The following CDH13 variants were observed in gnomAD, a reference collection of about 807,000 sequenced individuals.
CDH13 encodes cadherin-13.
CDH13 carries 24 observed loss-of-function variants against 63.8 expected under a neutral mutation model. The observed-to-expected ratio is 0.38, with a 90% confidence interval of 0.27 to 0.53. The LOEUF is 0.53. Among genes scored for constraint, CDH13 ranks in the 20% least tolerant of loss-of-function variants. CDH13 has a pLI of 0.85. For synonymous variants in CDH13, 503 were observed against 355.3 expected, an observed-to-expected ratio of 1.42 and a Z score of -4.67; for missense variants, 1,049 against 903.1, an observed-to-expected ratio of 1.16 and a Z score of -2.07.
At chr16:83,355,078 G>A (rs1160462375) in intron 6 of CDH13, among the ~76,000 whole-genome samples, 1 of 152,162 alleles carries the variant, frequency 6.6e-6, no homozygotes, top group African/African-American at 2.4e-5. Context: ...CCCTTGGGTG[G>A]TTTTAAGCGA....
intron 1 of CDH13, among the ~76,000 whole-genome samples, chr16:82,794,890 A>T (rs2036507413): frequency 6.6e-6 from 1 of 152,202 alleles, no homozygotes. Context: ...TCACTGGCAC[A>T]AAAGCAACTT....
At chr16:82,843,268 T>G (rs2151136675) in intron 1 of CDH13, among the ~76,000 whole-genome samples, 1 of 152,312 alleles carries the variant, frequency 6.6e-6, no homozygotes, top group African/African-American at 2.4e-5. Flanking sequence ...CAGTAGGCAG[T>G]CAGTAGATGT....
At chr16:83,794,750 A>G (rs764979757) in intron 13 of CDH13, among the ~76,000 whole-genome samples, 3 of 152,134 alleles carry the variant, frequency 2.0e-5, no homozygotes, top group Non-Finnish European at 4.4e-5. Context: ...CATAAGGCTC[A>G]TTGGTAACGG....
At chr16:83,533,461 G>T (rs1349090755) in intron 7 of CDH13, among the ~76,000 whole-genome samples, 1 of 152,122 alleles carries the variant, frequency 6.6e-6, no homozygotes, top group African/African-American at 2.4e-5. Flanking sequence ...CAGACAGGAA[G>T]TCGGATCTGT....
chr16:83,713,598 C>T (rs574442247), intron 10 of CDH13, among the ~76,000 whole-genome samples: 126 of 152,050 alleles, frequency 8.3e-4, no homozygotes, highest in African/African-American at 3.0e-3. Context: ...GTTCATCTAT[C>T]GGCTGGGACT....
At chr16:82,667,945 A>G (rs4783255) in intron 1 of CDH13, among the ~76,000 whole-genome samples, 151,602 of 152,256 alleles carry the variant, frequency 1, 75,475 homozygotes, top group Middle Eastern at 1. Flanking sequence ...TGTATTTGTC[A>G]CGCTGACCTA....
intron 1 of CDH13, among the ~76,000 whole-genome samples, chr16:82,801,724 A>G (rs2036863530): frequency 6.6e-6 from 1 of 152,314 alleles, no homozygotes. Context: ...AAATTATTCC[A>G]TGTTACTTCA....
chr16:82,932,854 T>C (rs555548328), intron 2 of CDH13, among the ~76,000 whole-genome samples: 2 of 152,320 alleles, frequency 1.3e-5, no homozygotes, highest in South Asian at 4.1e-4. Context: ...CCGTACTTGA[T>C]TCTAAACAAT....
intron 5 of CDH13, among the ~76,000 whole-genome samples, chr16:83,332,535 C>G (rs1288086785): frequency 6.6e-6 from 1 of 152,104 alleles, no homozygotes; most frequent in Non-Finnish European, 1.5e-5. Flanking sequence ...AAAAAGGGCA[C>G]GTAAAAATAC....
At chr16:82,857,898 G>A (rs773318319) in intron 1 of CDH13, among the ~76,000 whole-genome samples, 1 of 152,058 alleles carries the variant, frequency 6.6e-6, no homozygotes, top group Non-Finnish European at 1.5e-5. Flanking sequence ...CACCATATTG[G>A]GCCACAGTGA....
At chr16:82,731,799 A>G (rs1356977356) in intron 1 of CDH13, among the ~76,000 whole-genome samples, 2 of 152,254 alleles carry the variant, frequency 1.3e-5, no homozygotes, top group Non-Finnish European at 2.9e-5. Flanking sequence ...TGTGTTACTT[A>G]TCTTTGATAT....
chr16:83,587,453 T>C (rs942832274), intron 7 of CDH13, among the ~76,000 whole-genome samples: 7 of 152,148 alleles, frequency 4.6e-5, no homozygotes, highest in Admixed American at 1.3e-4. Context: ...GAGTCAGTAA[T>C]TGAATTTTCT....
chr16:83,191,524 C>CAT (rs2038710265), intron 4 of CDH13, among the ~76,000 whole-genome samples: 5 of 100,530 alleles, frequency 5.0e-5, no homozygotes, highest in African/African-American at 1.5e-4. Flanking sequence ...CACACACACA[C>CAT]ACACACATAT....
At chr16:83,314,697 C>T (rs1224322657) in intron 5 of CDH13, among the ~76,000 whole-genome samples, 1 of 152,294 alleles carries the variant, frequency 6.6e-6, no homozygotes, top group Non-Finnish European at 1.5e-5. Flanking sequence ...AGACATGATT[C>T]TGTACTATAC....
intron 4 of CDH13, among the ~76,000 whole-genome samples, chr16:83,213,395 C>T (rs2039394235): frequency 6.6e-6 from 1 of 152,062 alleles, no homozygotes. Context: ...GATGTTTGTC[C>T]CAAGAGGCCC....
chr16:83,003,611 G>C (rs1487202611), intron 2 of CDH13, among the ~76,000 whole-genome samples: 1 of 152,162 alleles, frequency 6.6e-6, no homozygotes, highest in Non-Finnish European at 1.5e-5. Flanking sequence ...TATCACATTG[G>C]TCAGTGCATA....
intron 3 of CDH13, among the ~76,000 whole-genome samples, chr16:83,101,140 G>A (rs941905385): frequency 1.3e-5 from 2 of 151,378 alleles, no homozygotes; most frequent in Non-Finnish European, 2.9e-5. Flanking sequence ...TGCATTTATG[G>A]GGCTTACATT....
intron 1 of CDH13, among the ~76,000 whole-genome samples, chr16:82,855,426 G>C (rs2039644871): frequency 6.6e-6 from 1 of 152,246 alleles, no homozygotes; most frequent in Admixed American, 6.5e-5. Flanking sequence ...TCTGGGAGCT[G>C]AGAGCAGAAT....
intron 1 of CDH13, among the ~76,000 whole-genome samples, chr16:82,656,627 G>A (rs1477021699): frequency 6.6e-6 from 1 of 152,136 alleles, no homozygotes; most frequent in East Asian, 1.9e-4. Flanking sequence ...TCTTGGTGCT[G>A]TACGGTGTAT....
Sources: gnomAD v4.1 joint callset for allele counts (sites outside exome capture counted in the v4.1 genomes callset) on GRCh38, gnomAD v4.1.1 for gene constraint, MANE v1.5 for transcripts, NCBI Gene and HGNC (gene_info 2026-07-23, HGNC 2026-07-21) for gene names.